Variants in SORCS3 observed in about 807,000 individuals in gnomAD.
SORCS3 encodes VPS10 domain-containing receptor SorCS3.
SORCS3 carries 57 observed loss-of-function variants against 146.3 expected under a neutral mutation model. The observed-to-expected ratio is 0.39, with a 90% CI of 0.31 to 0.49. The LOEUF (loss-of-function observed/expected upper bound fraction) is 0.49. SORCS3 is among the 20% of genes least tolerant of loss of function. SORCS3 has a pLI of 0.92. For synonymous variants in SORCS3, 653 were observed against 618.5 expected, an observed-to-expected ratio of 1.06 and a Z score of -0.83; for missense variants, 1,341 against 1,575.5, an observed-to-expected ratio of 0.85 and a Z score of 2.52.
At chr10:104,947,262 A>G (rs558480031) in intron 3 of SORCS3, among the ~76,000 whole-genome samples, 2 of 152,194 alleles carry the variant, frequency 1.3e-5, no homozygotes, top group Admixed American at 6.5e-5. Flanking sequence ...AAAAGCTTCT[A>G]TGGCAGTGAA....
chr10:104,865,330 C>A (rs2018447971), intron 2 of SORCS3, among the ~76,000 whole-genome samples: 1 of 152,192 alleles, frequency 6.6e-6, no homozygotes, highest in Non-Finnish European at 1.5e-5. Flanking sequence ...GAGATGTTCA[C>A]TTCTCTTGGA....
chr10:104,651,165 A>C (rs550899956), intron 1 of SORCS3, among the ~76,000 whole-genome samples: 321 of 152,298 alleles, frequency 2.1e-3, no homozygotes, highest in Non-Finnish European at 4.0e-3. Context: ...TTAGTGGTGA[A>C]AGAGTTGCTT....
In SORCS3 at chr10:104,721,762, G is replaced by A. The variant is rs543733616; in HGVS notation, c.627+79808G>A. ...CAATTGTGAATGGGAGTTCACTCAT[G>A]ATTTGGCTCTCTGTTTGTCTGTTAT... is the stretch of plus-strand genomic sequence containing the variant. On this transcript the variant is annotated intron_variant, in intron 1 of 26. Coordinates refer to ENST00000369701, the MANE Select transcript of SORCS3 (RefSeq NM_014978.3). Among the ~76,000 whole-genome samples the A allele has an allele frequency of 2.5e-3, 376 of 152,110 alleles. 1 individual carries two copies. Among genetic ancestry groups the A allele is most frequent in the Non-Finnish European group, 4.5e-3 (308 of 67,950 alleles).
At chr10:105,249,614 G>A (rs1473156982) in intron 22 of SORCS3, among the ~76,000 whole-genome samples, 1 of 152,152 alleles carries the variant, frequency 6.6e-6, no homozygotes, top group African/African-American at 2.4e-5. Flanking sequence ...GGGAGCGGTG[G>A]CTCATGCCTG....
At chr10:104,872,179 G>A (rs1192946678) in intron 2 of SORCS3, among the ~76,000 whole-genome samples, 5 of 152,142 alleles carry the variant, frequency 3.3e-5, no homozygotes, top group Admixed American at 2.0e-4. Context: ...TGTACCATGA[G>A]GGATGCATGT....
intron 2 of SORCS3, among the ~76,000 whole-genome samples, chr10:104,910,747 A>G (rs1030255955): frequency 8.5e-5 from 13 of 152,268 alleles, no homozygotes; most frequent in African/African-American, 3.1e-4. Flanking sequence ...CAAGGGATAG[A>G]GACACACATG....
chr10:105,133,357 C>A (rs1411726368), intron 7 of SORCS3, among the ~76,000 whole-genome samples: 3 of 152,066 alleles, frequency 2.0e-5, no homozygotes, highest in African/African-American at 7.2e-5. Context: ...AATATTGACC[C>A]CCTGCTGTGT....
chr10:105,048,464 T>A (rs1179779881), intron 5 of SORCS3, among the ~76,000 whole-genome samples: 6 of 147,128 alleles, frequency 4.1e-5, no homozygotes, highest in East Asian at 2.1e-4. Flanking sequence ...ATGTTCTCAC[T>A]CACAGGTGGG....
rs2056668644 is a variant in SORCS3, at chr10:105,216,956, C to T, written c.2568C>T (p.Asn856=). 2 of 1,614,158 alleles carry T rather than the reference C, an allele frequency of 1.2e-6. 1 individual carries two copies. Among genetic ancestry groups the T allele is most frequent in the Non-Finnish European group, 1.7e-6 (2 of 1,180,028 alleles). Residue 856 remains asparagine (N), a synonymous_variant, in exon 19 of 27, where the codon AAC becomes AAT. Coordinates refer to ENST00000369701, the MANE Select transcript of SORCS3 (RefSeq NM_014978.3). The part of the protein sequence containing the change: ...LMEEGDLQRT[N]IQLDFGDGIA... ...TGCAGGGTGATCTACAAAGGACAAACATCCAGCTTGACTTTGGGGATGGGA... is the reference window on the plus strand; with the variant it reads ...TGCAGGGTGATCTACAAAGGACAAATATCCAGCTTGACTTTGGGGATGGGA...
At chr10:105,081,414 G>T (rs566572084) in intron 5 of SORCS3, among the ~76,000 whole-genome samples, 17 of 152,312 alleles carry the variant, frequency 1.1e-4, no homozygotes, top group Middle Eastern at 3.4e-3. Context: ...ACAAGCTCTA[G>T]CTGTGTCTTT....
chr10:105,121,135 A>G (rs1348766223), intron 7 of SORCS3, among the ~76,000 whole-genome samples: 2 of 152,160 alleles, frequency 1.3e-5, no homozygotes, highest in African/African-American at 4.8e-5. Flanking sequence ...TTGGAAATCA[A>G]TTTCCTACCT....
In SORCS3 at chr10:105,077,521, AACACACACAC is replaced by A. The variant is rs60182481; in HGVS notation, c.1029-12218_1029-12209del. Among the ~76,000 whole-genome samples the A allele has an allele frequency of 2.3e-3, 274 of 116,686 alleles. 1 individual carries two copies. The highest frequency in any genetic ancestry group is 4.9e-3 in the East Asian group (18 of 3,684). 76.6% of individuals were successfully genotyped at this position (116,686 alleles called of 152,430 possible). ...TGGTTGCACGAAACTGACTAAATTA[AACACACACAC>A]ACACACACACACACACACACACACA... is the stretch of plus-strand genomic sequence containing the variant. On this transcript the variant is annotated intron_variant, in intron 5 of 26. Coordinates refer to ENST00000369701, the MANE Select transcript of SORCS3 (RefSeq NM_014978.3).
chr10:104,879,288 C>A (rs1408761097), intron 2 of SORCS3, among the ~76,000 whole-genome samples: 3 of 152,200 alleles, frequency 2.0e-5, no homozygotes, highest in Non-Finnish European at 2.9e-5. Flanking sequence ...TACTTCCTTG[C>A]TTTTTTCAGC....
At chr10:104,904,462 A>G (rs2018882708) in intron 2 of SORCS3, among the ~76,000 whole-genome samples, 1 of 152,052 alleles carries the variant, frequency 6.6e-6, no homozygotes, top group Non-Finnish European at 1.5e-5. Flanking sequence ...AATGATACAT[A>G]CAAATATTTA....
At chr10:104,758,242 C>T (rs535944028) in intron 1 of SORCS3, among the ~76,000 whole-genome samples, 5 of 152,114 alleles carry the variant, frequency 3.3e-5, no homozygotes, top group South Asian at 4.2e-4. Context: ...TGCTTTGTTG[C>T]GGTGGGTATG....
intron 1 of SORCS3, chr10:104,664,509 T>C (rs1304532745): frequency 6.6e-6 from 1 of 152,210 alleles, no homozygotes; most frequent in Non-Finnish European, 1.5e-5. Context: ...GTTTGCTCAG[T>C]GTCTCACAGC....
chr10:105,074,815 CA>C (rs1194954327), intron 5 of SORCS3, among the ~76,000 whole-genome samples: 1 of 151,458 alleles, frequency 6.6e-6, no homozygotes, highest in Non-Finnish European at 1.5e-5. Context: ...CTGTCTACAC[CA>C]ATATCATGTA....
intron 4 of SORCS3, among the ~76,000 whole-genome samples, chr10:105,027,783 C>G (rs558225001): frequency 3.3e-5 from 5 of 152,222 alleles, no homozygotes; most frequent in South Asian, 4.1e-4. Context: ...TAAAATGGCC[C>G]AGGACATGGT....
intron 8 of SORCS3, among the ~76,000 whole-genome samples, chr10:105,141,600 G>A (rs1386689906): frequency 6.6e-6 from 1 of 152,088 alleles, no homozygotes; most frequent in Non-Finnish European, 1.5e-5. Flanking sequence ...GCTCTCCTGG[G>A]GTACTCCATA....
Sources: allele counts gnomAD v4.1 joint callset (sites outside exome capture counted in the v4.1 genomes callset), GRCh38; gene constraint gnomAD v4.1.1; transcripts MANE v1.5; gene names NCBI Gene and HGNC (gene_info 2026-07-23, HGNC 2026-07-21).